Variants in KIF26B observed in about 807,000 individuals in gnomAD.
KIF26B encodes kinesin family member 26B.
A neutral mutation model predicts 151.2 loss-of-function variants in KIF26B; 63 were observed. The observed-to-expected ratio is 0.42, with a 90% confidence interval of 0.34 to 0.51. The LOEUF (loss-of-function observed/expected upper bound fraction) is 0.51. Ranked by LOEUF, KIF26B falls within the 20% of genes least tolerant of loss-of-function variation. KIF26B has a pLI of 0.07. For missense variants in KIF26B, 2,813 were observed against 2,913.6 expected (o/e 0.97, Z 0.79); for synonymous variants, 1,357 against 1,262.1 (o/e 1.08, Z -1.59).
intron 2 of KIF26B, among the ~76,000 whole-genome samples, chr1:245,285,679 A>G (rs1671153951): frequency 6.7e-6 from 1 of 148,678 alleles, no homozygotes; most frequent in Non-Finnish European, 1.5e-5. Flanking sequence ...GTAGTGGCTC[A>G]TGCCTGTAAT....
chr1:245,164,353 T>C (rs1668581442), intron 2 of KIF26B, among the ~76,000 whole-genome samples: 1 of 152,262 alleles, frequency 6.6e-6, no homozygotes, highest in Non-Finnish European at 1.5e-5. Flanking sequence ...TTTGCTAATA[T>C]TTCATTTATT....
Position 245,605,584 on chromosome 1 carries a change from T to C in KIF26B, c.1558-2067T>C, listed in dbSNP as rs2043443044. On this transcript the variant is annotated intron_variant, in intron 6 of 14. Coordinates refer to ENST00000407071, the MANE Select transcript of KIF26B (RefSeq NM_018012.4). Reference sequence around the variant, plus strand: ...CTGGCTGCCCCTGTTGGGACACGTCTCTGCTGGGACACACCCCTGCTGGAG... The same window carrying C: ...CTGGCTGCCCCTGTTGGGACACGTCCCTGCTGGGACACACCCCTGCTGGAG... Among the ~76,000 whole-genome samples, 5 of 152,168 alleles carry C rather than the reference T, an allele frequency of 3.3e-5. No individual in the cohort carries two copies. In the South Asian group the frequency reaches 1.0e-3, roughly 32 times the overall value.
chr1:245,349,559 CAAAAAAAAAA>C (rs58254627), intron 2 of KIF26B, among the ~76,000 whole-genome samples: 1 of 75,834 alleles, frequency 1.3e-5, no homozygotes, highest in Admixed American at 1.5e-4. Flanking sequence ...AAATAAACTT[CAAAAAAAAAA>C]AAAAAAAAAA....
chr1:245,588,882 G>C (rs547990043), intron 5 of KIF26B, among the ~76,000 whole-genome samples: 1 of 152,166 alleles, frequency 6.6e-6, no homozygotes, highest in Non-Finnish European at 1.5e-5. Context: ...ACTGTGGGCA[G>C]TTACTGGACG....
intron 5 of KIF26B, among the ~76,000 whole-genome samples, chr1:245,592,115 C>T (rs1414531154): frequency 6.6e-6 from 1 of 152,222 alleles, no homozygotes; most frequent in Non-Finnish European, 1.5e-5. Flanking sequence ...TGCTCCCTCA[C>T]ACTTAGCTTT....
intron 4 of KIF26B, among the ~76,000 whole-genome samples, chr1:245,487,423 G>C (rs1161090106): frequency 2.0e-5 from 3 of 152,138 alleles, no homozygotes; most frequent in Non-Finnish European, 4.4e-5. Context: ...CTACGTGCTG[G>C]CCAGTACTCT....
chr1:245,234,661 G>A (rs1441963672), intron 2 of KIF26B, among the ~76,000 whole-genome samples: 1 of 152,194 alleles, frequency 6.6e-6, no homozygotes, highest in Non-Finnish European at 1.5e-5. Flanking sequence ...CCAGTCTGCA[G>A]GTGGAAGTTC....
At chr1:245,158,867 TGTG>T (rs762154230) in intron 2 of KIF26B, among the ~76,000 whole-genome samples, 717 of 9,854 alleles carry the variant, frequency 0.073, 6 homozygotes, top group South Asian at 0.12. Flanking sequence ...TGTGTGTGTG[TGTG>T]GTGTGTGTTT....
chr1:245,433,955 G>A (rs1658842223), intron 4 of KIF26B, among the ~76,000 whole-genome samples: 1 of 151,878 alleles, frequency 6.6e-6, no homozygotes, highest in African/African-American at 2.4e-5. Context: ...AGTGAAAAGG[G>A]ATGTAATCAG....
chr1:245,528,380 T>C (rs1300080589), intron 4 of KIF26B, among the ~76,000 whole-genome samples: 1 of 152,140 alleles, frequency 6.6e-6, no homozygotes, highest in Non-Finnish European at 1.5e-5. Flanking sequence ...ACAGGTAGGA[T>C]AGTGTGAGGG....
At chr1:245,607,035 C>T (rs995478242) in intron 6 of KIF26B, among the ~76,000 whole-genome samples, 5 of 135,434 alleles carry the variant, frequency 3.7e-5, no homozygotes, top group Non-Finnish European at 7.6e-5. Context: ...CATTGCACTC[C>T]AGCCTGGGCA....
At chr1:245,491,206 A>AG (rs1660403142) in intron 4 of KIF26B, among the ~76,000 whole-genome samples, 1 of 152,166 alleles carries the variant, frequency 6.6e-6, no homozygotes, top group African/African-American at 2.4e-5. Context: ...AATTTCAACC[A>AG]GAGATGTAGG....
intron 4 of KIF26B, among the ~76,000 whole-genome samples, chr1:245,464,022 T>A (rs530386742): frequency 6.6e-6 from 1 of 152,186 alleles, no homozygotes; most frequent in Non-Finnish European, 1.5e-5. Flanking sequence ...CTGGAAAACG[T>A]GCACAGACTT....
intron 2 of KIF26B, among the ~76,000 whole-genome samples, chr1:245,310,127 C>T (rs1671639086): frequency 1.4e-5 from 2 of 148,134 alleles, no homozygotes; most frequent in South Asian, 4.2e-4. Flanking sequence ...ATATAAATAT[C>T]TCTCACTATA....
chr1:245,271,439 A>G (rs1670855078), intron 2 of KIF26B, among the ~76,000 whole-genome samples: 1 of 152,088 alleles, frequency 6.6e-6, no homozygotes, highest in Admixed American at 6.6e-5. Context: ...GACTTTTTAT[A>G]TATGGACTTT....
chr1:245,345,711 T>C (rs898788363), intron 2 of KIF26B, among the ~76,000 whole-genome samples: 1 of 151,982 alleles, frequency 6.6e-6, no homozygotes, highest in Non-Finnish European at 1.5e-5. Flanking sequence ...ATCTGGTTGT[T>C]TACAAGTGTG....
chr1:245,628,361 A>G (rs1715813), intron 9 of KIF26B, among the ~76,000 whole-genome samples: 91,956 of 152,078 alleles, frequency 0.6, 28,054 homozygotes, highest in East Asian at 0.77. Flanking sequence ...GGTGCCTGTA[A>G]TCCCAGCTAA....
chr1:245,415,841 C>A (rs1299292705), intron 3 of KIF26B, among the ~76,000 whole-genome samples: 2 of 147,654 alleles, frequency 1.4e-5, no homozygotes, highest in Non-Finnish European at 3.0e-5. Flanking sequence ...CATGGTTGTT[C>A]ATACGAATGA....
chr1:245,478,097 C>A (rs1336388643), intron 4 of KIF26B, among the ~76,000 whole-genome samples: 1 of 151,860 alleles, frequency 6.6e-6, no homozygotes, highest in East Asian at 1.9e-4. Context: ...ACGTGAACTT[C>A]TGTGTCTGCT....
Sources: gnomAD v4.1 joint callset for allele counts (sites outside exome capture counted in the v4.1 genomes callset) on GRCh38, gnomAD v4.1.1 for gene constraint, MANE v1.5 for transcripts, NCBI Gene and HGNC (gene_info 2026-07-23, HGNC 2026-07-21) for gene names.